HIKESHI: variants seen among roughly 807,000 people sequenced by gnomAD.
HIKESHI encodes the protein protein Hikeshi.
A neutral mutation model predicts 25.7 loss-of-function variants in HIKESHI; 13 were observed. The observed-to-expected ratio is 0.51, with a 90% CI of 0.33 to 0.80. HIKESHI has a LOEUF of 0.80. HIKESHI is among the 30% of genes least tolerant of loss of function. The probability of loss-of-function intolerance (pLI) is 0.02; values close to 1 mark genes in which losing one functional copy is unlikely to be tolerated. For missense variants in HIKESHI, 174 were observed against 229.5 expected (o/e 0.76, Z 1.56); for synonymous variants, 76 against 78.7 (o/e 0.97, Z 0.18).
intron 2 of HIKESHI, among the ~76,000 whole-genome samples, chr11:86,319,572 A>G (rs1184300542): frequency 6.6e-6 from 1 of 151,960 alleles, no homozygotes; most frequent in Non-Finnish European, 1.5e-5. Context: ...ATGATTTTTT[A>G]ATATCAAATT....
At chr11:86,331,309 T>C (rs1219613232) in intron 2 of HIKESHI, among the ~76,000 whole-genome samples, 5 of 152,098 alleles carry the variant, frequency 3.3e-5, no homozygotes, top group Admixed American at 3.3e-4. Flanking sequence ...GCCAACATTG[T>C]GAAACCCCAT....
intron 2 of HIKESHI, among the ~76,000 whole-genome samples, chr11:86,337,120 G>T (rs1947585244): frequency 6.6e-6 from 1 of 152,164 alleles, no homozygotes; most frequent in Non-Finnish European, 1.5e-5. Flanking sequence ...CTCTGTTACT[G>T]TCTGTGTCTA....
At chr11:86,311,197 T>G (rs1478920606) in intron 2 of HIKESHI, among the ~76,000 whole-genome samples, 4 of 152,188 alleles carry the variant, frequency 2.6e-5, no homozygotes, top group Admixed American at 6.5e-5. Context: ...TCCTGGACTT[T>G]TTTTGCTTGG....
At chr11:86,339,280 C>T (rs1334733014) in intron 3 of HIKESHI, among the ~76,000 whole-genome samples, 1 of 152,198 alleles carries the variant, frequency 6.6e-6, no homozygotes, top group Non-Finnish European at 1.5e-5. Flanking sequence ...GATCTCCTGA[C>T]CTCGTTATCC....
intron 2 of HIKESHI, among the ~76,000 whole-genome samples, chr11:86,317,661 C>G (rs1436375911): frequency 1.3e-5 from 2 of 151,934 alleles, no homozygotes; most frequent in Non-Finnish European, 2.9e-5. Context: ...AAAAAATTAG[C>G]TTGGTGTGGT....
chr11:86,312,889 ACT>A (rs754953954), intron 2 of HIKESHI, among the ~76,000 whole-genome samples: 35 of 151,972 alleles, frequency 2.3e-4, no homozygotes, highest in Admixed American at 5.2e-4. Context: ...ATTGGCCCCC[ACT>A]CTCTTCTGGC....
At chr11:86,323,063 A>C (rs558832259) in intron 2 of HIKESHI, among the ~76,000 whole-genome samples, 1 of 152,002 alleles carries the variant, frequency 6.6e-6, no homozygotes, top group Admixed American at 6.6e-5. Flanking sequence ...ACCCATCTCT[A>C]CAAAAAATTC....
intron 1 of HIKESHI, among the ~76,000 whole-genome samples, chr11:86,305,093 G>A (rs746009267): frequency 2.0e-5 from 3 of 152,156 alleles, no homozygotes; most frequent in Non-Finnish European, 4.4e-5. Context: ...TTGACATCCT[G>A]GGTTCAAGTG....
At chr11:86,332,041 C>T (rs1410590902) in intron 2 of HIKESHI, among the ~76,000 whole-genome samples, 1 of 147,488 alleles carries the variant, frequency 6.8e-6, no homozygotes, top group Non-Finnish European at 1.5e-5. Context: ...AGTGCAGTGG[C>T]ACTCCGCCTC....
chr11:86,323,419 T>C (rs924696936), intron 2 of HIKESHI, among the ~76,000 whole-genome samples: 4 of 152,038 alleles, frequency 2.6e-5, no homozygotes, highest in African/African-American at 9.7e-5. Flanking sequence ...TCATAAGCAA[T>C]ACAGTAGGAG....
chr11:86,326,955 G>A (rs1048689437), intron 2 of HIKESHI, among the ~76,000 whole-genome samples: 2 of 152,192 alleles, frequency 1.3e-5, no homozygotes, highest in African/African-American at 4.8e-5. Context: ...GCTGGGCATG[G>A]TGGCGTGTGC....
chr11:86,319,242 A>ATATTTTTTTTTTTTTT (rs1383589741), intron 2 of HIKESHI, among the ~76,000 whole-genome samples: 1 of 94,952 alleles, frequency 1.1e-5, no homozygotes, highest in Non-Finnish European at 1.9e-5. Flanking sequence ...ATATATATAT[A>ATATTTTTTTTTTTTTT]TTTTTTTTTT....
At chr11:86,311,345 C>A (rs909364413) in intron 2 of HIKESHI, among the ~76,000 whole-genome samples, 1 of 152,130 alleles carries the variant, frequency 6.6e-6, no homozygotes, top group African/African-American at 2.4e-5. Flanking sequence ...AGTTTATTTG[C>A]GTAGAGGTGT....
At chr11:86,314,313 A>G (rs999854328) in intron 2 of HIKESHI, among the ~76,000 whole-genome samples, 35 of 152,074 alleles carry the variant, frequency 2.3e-4, no homozygotes, top group African/African-American at 8.5e-4. Flanking sequence ...TATAGTTGGT[A>G]TTCTACAAGG....
chr11:86,323,092 G>A (rs1217520983), intron 2 of HIKESHI, among the ~76,000 whole-genome samples: 1 of 152,086 alleles, frequency 6.6e-6, no homozygotes, highest in Non-Finnish European at 1.5e-5. Flanking sequence ...GCTGATTGTA[G>A]TGGCTCATGC....
At chr11:86,345,536 C>T in intron 4 of HIKESHI, 48 bp from the exon 5 acceptor site, 1 of 1,071,224 alleles carries the variant, frequency 9.3e-7, no homozygotes, top group Non-Finnish European at 1.4e-6. Context: ...ATGAAAGATC[C>T]TATTTTAATT....
At chr11:86,311,426 T>C (rs561348877) in intron 2 of HIKESHI, among the ~76,000 whole-genome samples, 1 of 152,348 alleles carries the variant, frequency 6.6e-6, no homozygotes, top group East Asian at 1.9e-4. Context: ...TCATTTTTTA[T>C]TGAGTCTATT....
intron 1 of HIKESHI, 97 bp downstream of exon 1, chr11:86,302,575 G>A (rs1946524948): frequency 7.1e-7 from 1 of 1,409,102 alleles, no homozygotes; most frequent in Non-Finnish European, 9.7e-7. Context: ...ATGCGGGGAA[G>A]CCCACTTATT....
intron 2 of HIKESHI, among the ~76,000 whole-genome samples, chr11:86,307,846 TTA>T (rs557347999): frequency 0.021 from 2,444 of 114,888 alleles, 60 homozygotes; most frequent in African/African-American, 0.042. Flanking sequence ...TAAATATATA[TTA>T]TGTGTAATAT....
Sources: allele counts gnomAD v4.1 joint callset (sites outside exome capture counted in the v4.1 genomes callset), GRCh38; gene constraint gnomAD v4.1.1; transcripts MANE v1.5; gene names NCBI Gene and HGNC (gene_info 2026-07-23, HGNC 2026-07-21).